Variants in ADGRL2 observed in about 807,000 individuals in gnomAD.
ADGRL2 encodes the protein calcium-independent alpha-latrotoxin receptor 2.
A neutral mutation model predicts 157.4 loss-of-function variants in ADGRL2; 44 were observed. That is an observed-to-expected ratio of 0.28 (90% CI 0.22 to 0.36). ADGRL2 has a LOEUF of 0.36. Ranked by LOEUF, ADGRL2 falls within the 10% of genes least tolerant of loss-of-function variation. The pLI is 1.00. For missense variants in ADGRL2, 1,510 were observed against 1,768.9 expected, an observed-to-expected ratio of 0.85 and a Z score of 2.63; for synonymous variants, 585 against 624.7, an observed-to-expected ratio of 0.94 and a Z score of 0.95.
At chr1:81,883,985 T>C (rs1320451327) in intron 2 of ADGRL2, among the ~76,000 whole-genome samples, 1 of 101,086 alleles carries the variant, frequency 9.9e-6, no homozygotes, top group African/African-American at 4.1e-5. Flanking sequence ...TGTTTTCATA[T>C]GAAATTGTCT....
At chr1:81,951,847 G>A in intron 8 of ADGRL2, 110 bp from the exon 9 acceptor site, 1 of 713,292 alleles carries the variant, frequency 1.4e-6, no homozygotes, top group Non-Finnish European at 2.2e-6. Context: ...ATTAGTTGGA[G>A]AATTTAACAT....
chr1:81,712,919 G>A (rs1022283930), intron 1 of ADGRL2, among the ~76,000 whole-genome samples: 10 of 151,704 alleles, frequency 6.6e-5, no homozygotes, highest in Admixed American at 2.0e-4. Flanking sequence ...GCACCACCAC[G>A]CCCAGCTAAT....
rs148628293 is a variant in ADGRL2 at position 81,613,173 on chromosome 1, A to G, written c.-143+32193A>G. Among the ~76,000 whole-genome samples, 28 of 152,316 alleles carry G rather than the reference A, an allele frequency of 1.8e-4. No homozygotes were observed. In the East Asian group the frequency reaches 5.2e-3, roughly 28 times the overall value. On this transcript the variant is annotated intron_variant, in intron 3 of 24. Transcript: ENST00000370721. ...AACCTAACATGAAATTACGTTACCT[A>G]TAGAACTGAGATCATTTTACTTGTC...
At chr1:81,642,754 T>A (rs1254813677) in intron 3 of ADGRL2, among the ~76,000 whole-genome samples, 1 of 152,108 alleles carries the variant, frequency 6.6e-6, no homozygotes, top group Non-Finnish European at 1.5e-5. Flanking sequence ...TTATTCCAGG[T>A]ATGCAAAACC....
chr1:81,883,943 G>A (rs756275989), intron 2 of ADGRL2, among the ~76,000 whole-genome samples: 1 of 151,706 alleles, frequency 6.6e-6, no homozygotes, highest in Non-Finnish European at 1.5e-5. Context: ...GTATACTCAA[G>A]TGTTATGGAT....
At chr1:81,557,526 A>AAAGG (rs2080336282) in intron 2 of ADGRL2, 1 of 120,452 alleles carries the variant, frequency 8.3e-6, no homozygotes, top group Non-Finnish European at 1.9e-5. Context: ...AGAAAGAAAG[A>AAAGG]GAAGAAAGAA....
In ADGRL2 at chr1:81,464,918, A is replaced by G. The variant is rs192698458; in HGVS notation, c.-248+19829A>G. 2.2e-4 allele frequency among the ~76,000 whole-genome samples: 31 copies of G among 141,100 alleles called. No homozygotes were observed. The East Asian group carries it at 4.1e-3, about 19-fold the overall frequency. 92.6% of individuals were successfully genotyped at this position (141,100 alleles called of 152,430 possible). A position where few individuals can be genotyped will look rare whatever the true frequency, so the allele number is the denominator to read the frequency against. On this transcript the variant is annotated intron_variant, in intron 2 of 24. Transcript: ENST00000370721. ...AGGCTGTAGTCTTCAGAGAATGACA[A>G]ATAGCCACCAGGGAGAAAAAAAAAA...
chr1:81,769,968 A>G (rs1043455442), intron 2 of ADGRL2, among the ~76,000 whole-genome samples: 14 of 151,662 alleles, frequency 9.2e-5, no homozygotes, highest in Admixed American at 5.3e-4. Context: ...GGTTCAAGTG[A>G]TTCTCCTGCC....
rs775637676 is a variant in ADGRL2 at position 81,952,098 on chromosome 1, C to A, written c.1750C>A (p.Leu584Met). 7 of 1,612,900 alleles carry A rather than the reference C, an allele frequency of 4.3e-6. No individual in the cohort carries two copies. In the South Asian group the frequency reaches 4.4e-5, roughly 10 times the overall value. Reference protein sequence around the residue: ...VDILDAQLQELKPSEKDSAGR... With the variant: ...VDILDAQLQEMKPSEKDSAGR... ...CATCCTTGATGCACAGCTGCAGGAA[C>A]TGAAACCTAGTGAAAAAGATTCAGC... Residue 584 changes from leucine to methionine, a missense_variant, in exon 9 of 24, where the codon CTG becomes ATG. Leu to Met is a conservative substitution (Grantham distance 15). Around this residue, in one of 4 missense-constraint regions of ADGRL2, gnomAD observed 325 missense variants for 333.2 expected, o/e 0.98. Coordinates refer to ENST00000686636, the MANE Select transcript of ADGRL2 (RefSeq NM_001366006.2).
At chr1:81,967,465 G>A (rs149646213) in intron 13 of ADGRL2, among the ~76,000 whole-genome samples, 6,259 of 152,120 alleles carry the variant, frequency 0.041, 372 homozygotes, top group African/African-American at 0.13. Flanking sequence ...GTTTCACTGT[G>A]TTAGCCAGGA....
In ADGRL2 at chr1:81,403,944, C is replaced by T. The variant is rs568001347; in HGVS notation, c.-301-41092C>T. ...TCCCAAGTAGCTGGGACTACAGGTG[C>T]GCACCACCACACCCAGCTAATTTTT... On this transcript the variant is annotated intron_variant, in intron 1 of 24. Coordinates refer to the ADGRL2 transcript ENST00000370721. Among the ~76,000 whole-genome samples, 54 of 151,930 alleles carry T rather than the reference C, an allele frequency of 3.6e-4. 1 individual carries two copies. Among genetic ancestry groups the T allele is most frequent in the African/African-American group, 1.0e-3 (43 of 41,454 alleles).
intron 3 of ADGRL2, among the ~76,000 whole-genome samples, chr1:81,617,217 T>C (rs1468977086): frequency 6.6e-6 from 1 of 152,226 alleles, no homozygotes; most frequent in African/African-American, 2.4e-5. Context: ...TAGATTCTCA[T>C]AGGCGCACGA....
intron 2 of ADGRL2, among the ~76,000 whole-genome samples, chr1:81,518,353 C>A (rs2079230266): frequency 6.6e-6 from 1 of 152,154 alleles, no homozygotes; most frequent in African/African-American, 2.4e-5. Context: ...ATCGAACACT[C>A]CAAACCACAA....
chr1:81,318,643 G>A (rs754656523), intron 1 of ADGRL2, among the ~76,000 whole-genome samples: 10 of 152,078 alleles, frequency 6.6e-5, no homozygotes, highest in African/African-American at 1.2e-4. Flanking sequence ...GTTATGGGAC[G>A]GCATGAATCC....
At chr1:81,788,680 T>C (rs1030326226) in intron 2 of ADGRL2, among the ~76,000 whole-genome samples, 16 of 152,258 alleles carry the variant, frequency 1.1e-4, no homozygotes, top group African/African-American at 3.6e-4. Context: ...CACCAAATGC[T>C]GCCAGATCTT....
rs1463456233 is a variant in ADGRL2, at chr1:81,943,209, T to C, written c.650T>C (p.Val217Ala). 1 of 1,613,504 alleles carries C rather than the reference T, an allele frequency of 6.2e-7. No individual in the cohort carries two copies. The highest frequency in any genetic ancestry group is 8.5e-7 in the Non-Finnish European group (1 of 1,179,618). The part of the protein sequence containing the change: ...LPNRVDGTGF[V>A]VYDGAVFFNK... ...AATCGAGTAGATGGTACTGGATTTG[T>C]GGTGTATGATGGTGCTGTCTTCTTT... is the stretch of plus-strand genomic sequence containing the variant. The change falls in exon 6 of 24, where the codon GTG becomes GCG. Residue 217 changes from valine to alanine, a missense_variant. Val to Ala is a moderately conservative substitution (Grantham distance 64, BLOSUM62 0). Around this residue, in one of 4 missense-constraint regions of ADGRL2, gnomAD observed 361 missense variants for 498.4 expected, o/e 0.72. Transcript: ENST00000686636. This position sits in a 1 kb window ranked among gnomAD's most constrained non-coding sequence, Gnocchi z 5.6.
At chr1:81,514,354 C>T (rs1201369216) in intron 2 of ADGRL2, among the ~76,000 whole-genome samples, 1 of 152,100 alleles carries the variant, frequency 6.6e-6, no homozygotes, top group African/African-American at 2.4e-5. Flanking sequence ...GATTAGATTG[C>T]ATAGTTCGAA....
chr1:81,363,039 T>G (rs2076005239), intron 1 of ADGRL2, among the ~76,000 whole-genome samples: 1 of 152,104 alleles, frequency 6.6e-6, no homozygotes, highest in Admixed American at 6.6e-5. Context: ...TCAGAATTTA[T>G]GTACATATAT....
intron 3 of ADGRL2, among the ~76,000 whole-genome samples, chr1:81,629,699 A>G (rs201258107): frequency 0.011 from 1,547 of 136,796 alleles, 22 homozygotes; most frequent in African/African-American, 0.038. Flanking sequence ...GTGTGTGTGT[A>G]TGTAGATATA....
Sources: gnomAD v4.1 joint callset for allele counts (sites outside exome capture counted in the v4.1 genomes callset) on GRCh38, gnomAD v4.1.1 for gene constraint, gnomAD v4.1.1 regional missense constraint, Gnocchi (gnomAD v3.1) non-coding constraint, MANE v1.5 for transcripts, NCBI Gene and HGNC (gene_info 2026-07-23, HGNC 2026-07-21) for gene names.